The following PEAK1 variants were observed in gnomAD, a reference collection of about 807,000 sequenced individuals.
The protein encoded by PEAK1 is inactive tyrosine-protein kinase PEAK1.
A neutral mutation model predicts 124.7 loss-of-function variants in PEAK1; 54 were observed. That is an observed-to-expected ratio of 0.43 (90% CI 0.35 to 0.54). PEAK1 has a LOEUF of 0.54. Among genes scored for constraint, PEAK1 ranks in the 20% least tolerant of loss-of-function variants. PEAK1 has a pLI of 0.01. For missense variants in PEAK1, 2,046 were observed against 2,134.5 expected (o/e 0.96, Z 0.82); for synonymous variants, 719 against 760.0 (o/e 0.95, Z 0.89).
At chr15:77,375,930 C>T (rs1185246646) in intron 1 of PEAK1, among the ~76,000 whole-genome samples, 1 of 151,824 alleles carries the variant, frequency 6.6e-6, no homozygotes. Flanking sequence ...ACCCGGGAGG[C>T]GGAGCCTGCA....
intron 8 of PEAK1, among the ~76,000 whole-genome samples, chr15:77,145,032 C>G (rs1255567967): frequency 2.6e-5 from 4 of 152,220 alleles, no homozygotes; most frequent in African/African-American, 9.6e-5. Flanking sequence ...TGTTCTAAAT[C>G]TTGCCTTGCT....
rs1281139083 is a variant in PEAK1, at chr15:77,365,198, C to G, written c.-638G>C. The G allele has an allele frequency of 2.0e-6, 2 of 983,106 alleles. No homozygotes were observed. Among genetic ancestry groups the G allele is most frequent in the Non-Finnish European group, 2.4e-6 (2 of 827,878 alleles). 60.9% of individuals were successfully genotyped at this position (983,106 alleles called of 1,614,324 possible). A position where few individuals can be genotyped will look rare whatever the true frequency, so the allele number is the denominator to read the frequency against. On this transcript the variant is annotated 5_prime_UTR_variant, in exon 2 of 10. Transcript: ENST00000682557. ...TAGATAAACCACAAAGAAATGTCTA[C>G]AGCATAAGTTCCAGTTTGGGCAGAT... is the stretch of plus-strand genomic sequence containing the variant.
At chr15:77,244,988 A>C in intron 6 of PEAK1, among the ~76,000 whole-genome samples, 1 of 152,218 alleles carries the variant, frequency 6.6e-6, no homozygotes, top group East Asian at 1.9e-4. Flanking sequence ...CATTTTCTAC[A>C]ATACATAATG....
chr15:77,306,887 T>C (rs1476392662), intron 2 of PEAK1, among the ~76,000 whole-genome samples: 2 of 152,156 alleles, frequency 1.3e-5, no homozygotes, highest in Non-Finnish European at 2.9e-5. Flanking sequence ...CTTTCCACTA[T>C]ATTATACATT....
intron 1 of PEAK1, chr15:77,418,096 T>G (rs548233518): frequency 2.0e-6 from 2 of 984,264 alleles, no homozygotes; most frequent in Admixed American, 1.2e-4. Context: ...AAAAATGAAT[T>G]TTGAATGTTA....
At chr15:77,349,688 T>C in intron 2 of PEAK1, 1 of 985,040 alleles carries the variant, frequency 1.0e-6, no homozygotes, top group Non-Finnish European at 1.2e-6. Context: ...CATTGTCCTT[T>C]CTTCACGTAG....
intron 1 of PEAK1, among the ~76,000 whole-genome samples, chr15:77,408,056 CAT>C (rs1191503307): frequency 1.3e-5 from 2 of 149,870 alleles, no homozygotes; most frequent in South Asian, 2.1e-4. Flanking sequence ...CACATACATG[CAT>C]AGATACACAT....
intron 6 of PEAK1, among the ~76,000 whole-genome samples, chr15:77,243,079 A>G (rs943667055): frequency 6.6e-6 from 1 of 152,208 alleles, no homozygotes; most frequent in African/African-American, 2.4e-5. Flanking sequence ...GAAAGTCACA[A>G]TGGGATTGTG....
chr15:77,277,188 CA>C (rs1478902635), intron 5 of PEAK1, among the ~76,000 whole-genome samples: 1 of 152,130 alleles, frequency 6.6e-6, no homozygotes, highest in Non-Finnish European at 1.5e-5. Context: ...AGATGGATCT[CA>C]AGGGCATTAT....
At chr15:77,176,090 T>C (rs1170649928) in intron 7 of PEAK1, among the ~76,000 whole-genome samples, 1 of 150,204 alleles carries the variant, frequency 6.7e-6, no homozygotes, top group Non-Finnish European at 1.5e-5. Flanking sequence ...CATCACACTC[T>C]GTGGACTGTT....
At chr15:77,138,144 A>T (rs969385801) in intron 8 of PEAK1, among the ~76,000 whole-genome samples, 1 of 152,186 alleles carries the variant, frequency 6.6e-6, no homozygotes, top group African/African-American at 2.4e-5. Flanking sequence ...TCTTTTGTAA[A>T]TTGCCCAGTC....
intron 2 of PEAK1, among the ~76,000 whole-genome samples, chr15:77,298,808 C>T (rs888437749): frequency 1.3e-5 from 2 of 152,124 alleles, no homozygotes; most frequent in Admixed American, 6.5e-5. Flanking sequence ...GCTCCTTCTA[C>T]ACCTCCAAAA....
chr15:77,229,269 G>T (rs1001410432), intron 6 of PEAK1, among the ~76,000 whole-genome samples: 1 of 152,146 alleles, frequency 6.6e-6, no homozygotes, highest in Non-Finnish European at 1.5e-5. Flanking sequence ...TCACAATGTG[G>T]CTAGTAATAA....
In PEAK1 at chr15:77,110,497, T is replaced by A. The variant is rs561756694; in HGVS notation, c.*3659A>T. 7 of 152,332 alleles carry A rather than the reference T, an allele frequency of 4.6e-5. No individual in the cohort carries two copies. The highest frequency in any genetic ancestry group is 4.6e-4 in the Admixed American group (7 of 15,306). The allele number at this position is 152,332 out of a possible 1,614,324, so 9.4% of individuals were successfully genotyped here. On this transcript the variant is annotated 3_prime_UTR_variant, in exon 10 of 10. Coordinates refer to ENST00000682557, the MANE Select transcript of PEAK1 (RefSeq NM_001385026.1). ...GAGCTTTAGATCTCTTGGCTTAGAC[T>A]TTCCCATGTTTACAAACTTATTCTG...
At chr15:77,275,466 C>A (rs1056594669) in intron 5 of PEAK1, among the ~76,000 whole-genome samples, 1 of 152,070 alleles carries the variant, frequency 6.6e-6, no homozygotes, top group East Asian at 1.9e-4. Context: ...GCCTATAATC[C>A]CAGCACTTTG....
At chr15:77,251,227 A>G (rs1290698921) in intron 6 of PEAK1, among the ~76,000 whole-genome samples, 2 of 152,352 alleles carry the variant, frequency 1.3e-5, no homozygotes, top group East Asian at 3.9e-4. Context: ...CATTGAAATA[A>G]TTCTGGTCTA....
intron 2 of PEAK1, among the ~76,000 whole-genome samples, chr15:77,287,003 G>C (rs545632336): frequency 6.6e-6 from 1 of 152,252 alleles, no homozygotes; most frequent in Non-Finnish European, 1.5e-5. Context: ...TATAATTTTA[G>C]TTGAGTCATG....
chr15:77,116,754 A>G (rs1049609454), intron 9 of PEAK1, among the ~76,000 whole-genome samples: 1 of 145,454 alleles, frequency 6.9e-6, no homozygotes, highest in African/African-American at 2.5e-5. Context: ...CTATCTATCT[A>G]TACCTCAGCA....
chr15:77,304,220 T>C (rs2063943552), intron 2 of PEAK1, among the ~76,000 whole-genome samples: 1 of 152,198 alleles, frequency 6.6e-6, no homozygotes, highest in Non-Finnish European at 1.5e-5. Flanking sequence ...ACAAAATAGC[T>C]TGCTGGGATT....
Sources: allele counts gnomAD v4.1 joint callset (sites outside exome capture counted in the v4.1 genomes callset), GRCh38; gene constraint gnomAD v4.1.1; transcripts MANE v1.5; gene names NCBI Gene and HGNC (gene_info 2026-07-23, HGNC 2026-07-21).